Variants in CYP2C19 observed in about 807,000 individuals in gnomAD.
The protein encoded by CYP2C19 is cytochrome P450 2C19.
In CYP2C19, 59 loss-of-function variants were observed where a neutral mutation model predicts 40.9. The ratio of observed to expected loss-of-function variants is 1.44; its 90% CI spans 1.17 to 1.79. The LOEUF is 1.79. Ranked by LOEUF, CYP2C19 falls within the 40% of genes most tolerant of loss-of-function variation. CYP2C19 has a pLI of 0.00. For synonymous variants in CYP2C19, 253 were observed against 208.7 expected (o/e 1.21, Z -1.83); for missense variants, 754 against 596.9 (o/e 1.26, Z -2.74).
intron 5 of CYP2C19, among the ~76,000 whole-genome samples, chr10:94,818,779 G>T (rs969962159): frequency 6.7e-6 from 1 of 150,142 alleles, no homozygotes; most frequent in African/African-American, 2.5e-5. Flanking sequence ...ATCAGCTTAA[G>T]GAGATTTTGG....
chr10:94,808,336 A>G (rs1341832161), intron 5 of CYP2C19, among the ~76,000 whole-genome samples: 3 of 152,174 alleles, frequency 2.0e-5, no homozygotes, highest in Admixed American at 2.0e-4. Flanking sequence ...TTTGATGGGT[A>G]CATGAGATCT....
rs1004971142 is a variant in CYP2C19, at chr10:94,843,085, G to T, written c.1149+61G>T. 3.8e-6 allele frequency: 6 copies of T among 1,588,616 alleles called. No individual in the cohort carries two copies. In the African/African-American group the frequency reaches 6.7e-5, roughly 18 times the overall value. On this transcript the variant is annotated intron_variant, in intron 7 of 8. Coordinates refer to ENST00000371321, the MANE Select transcript of CYP2C19 (RefSeq NM_000769.4). ...CTTTTATTCCTCAAATTCACAGTAT[G>T]ATTCTTACCCTCTACCATCACTGGG...
At chr10:94,847,601 G>A (rs1476625730) in intron 7 of CYP2C19, among the ~76,000 whole-genome samples, 1 of 152,146 alleles carries the variant, frequency 6.6e-6, no homozygotes. Context: ...CCAGTAATGG[G>A]ATGGCTGGGT....
chr10:94,830,222 G>A (rs757203200), intron 6 of CYP2C19, among the ~76,000 whole-genome samples: 1 of 152,234 alleles, frequency 6.6e-6, no homozygotes, highest in African/African-American at 2.4e-5. Flanking sequence ...ACGTAATCAA[G>A]CATGGGCAAT....
chr10:94,829,944 A>G lies in CYP2C19; in HGVS notation c.961+9307A>G, dbSNP rs576422689. 2.4e-3 allele frequency among the ~76,000 whole-genome samples: 366 copies of G among 152,042 alleles called. 1 individual carries two copies. The highest frequency in any genetic ancestry group is 8.4e-3 in the African/African-American group (348 of 41,344). ...AGGTGTCAGTGTGCCCCTGCTGGGGATTGCCTCCCAGTTAGGCTGCTCAGG... is the reference window on the plus strand; with the variant it reads ...AGGTGTCAGTGTGCCCCTGCTGGGGGTTGCCTCCCAGTTAGGCTGCTCAGG... On this transcript the variant is annotated intron_variant, in intron 6 of 8. Transcript: ENST00000371321.
At chr10:94,822,086 C>T (rs1414284810) in intron 6 of CYP2C19, among the ~76,000 whole-genome samples, 1 of 151,958 alleles carries the variant, frequency 6.6e-6, no homozygotes, top group African/African-American at 2.4e-5. Flanking sequence ...ATAATGGCCT[C>T]CTGCTTCATC....
At chr10:94,821,746 C>T (rs1211622478) in intron 6 of CYP2C19, among the ~76,000 whole-genome samples, 1 of 152,028 alleles carries the variant, frequency 6.6e-6, no homozygotes, top group African/African-American at 2.4e-5. Context: ...AAGAGTTAGG[C>T]CTTTTTTTGA....
At chr10:94,797,453 T>G (rs970937207) in intron 5 of CYP2C19, among the ~76,000 whole-genome samples, 11 of 151,446 alleles carry the variant, frequency 7.3e-5, no homozygotes, top group East Asian at 3.9e-4. Context: ...CTGAAATTTT[T>G]TGTGTGTGTG....
intron 5 of CYP2C19, among the ~76,000 whole-genome samples, chr10:94,783,894 A>G (rs534225643): frequency 3.9e-5 from 6 of 152,176 alleles, no homozygotes; most frequent in East Asian, 1.9e-4. Flanking sequence ...GAGTTATGCC[A>G]TTTTAAAAAT....
chr10:94,780,258 G>A (rs112427983), intron 3 of CYP2C19, among the ~76,000 whole-genome samples: 8 of 152,078 alleles, frequency 5.3e-5, no homozygotes, highest in South Asian at 2.1e-4. Flanking sequence ...CAAATAGGCC[G>A]GGAATGTAAA....
At chr10:94,784,582 C>T (rs555797253) in intron 5 of CYP2C19, among the ~76,000 whole-genome samples, 134 of 152,042 alleles carry the variant, frequency 8.8e-4, no homozygotes, top group African/African-American at 3.2e-3. Context: ...TAAAGCCCTC[C>T]TAGTGAATGT....
chr10:94,854,891 A>T lies in CYP2C19; in HGVS notation c.*1977A>T, dbSNP rs906810016. Among the ~76,000 whole-genome samples, 2 of 152,232 alleles carry T rather than the reference A, an allele frequency of 1.3e-5. No individual in the cohort carries two copies. The highest frequency in any genetic ancestry group is 1.3e-4 in the Admixed American group (2 of 15,278). ...GTATTACATTAATGGAAAGATACAG[A>T]TGGAAATTACACATTATACATTTTA... is the stretch of plus-strand genomic sequence containing the variant. On this transcript the variant is annotated 3_prime_UTR_variant, in exon 9 of 9. Transcript: ENST00000371321.
intron 6 of CYP2C19, among the ~76,000 whole-genome samples, chr10:94,842,316 T>G (rs992903930): frequency 1.3e-5 from 2 of 151,620 alleles, no homozygotes; most frequent in African/African-American, 4.8e-5. Context: ...ACTCTTCCTC[T>G]TTTTTTTATT....
intron 5 of CYP2C19, among the ~76,000 whole-genome samples, chr10:94,793,777 G>A (rs573342721): frequency 2.0e-5 from 3 of 152,246 alleles, no homozygotes; most frequent in Admixed American, 2.0e-4. Flanking sequence ...CCTACTAGGA[G>A]GTGTCTCCCA....
intron 5 of CYP2C19, among the ~76,000 whole-genome samples, chr10:94,799,873 CT>C (rs1848740011): frequency 6.6e-6 from 1 of 152,126 alleles, no homozygotes; most frequent in Non-Finnish European, 1.5e-5. Context: ...TTAAGGTCTT[CT>C]CTACACTGTT....
chr10:94,851,079 G>C (rs1849646412), intron 8 of CYP2C19, among the ~76,000 whole-genome samples: 1 of 152,086 alleles, frequency 6.6e-6, no homozygotes, highest in Non-Finnish European at 1.5e-5. Flanking sequence ...TTCTTTCATT[G>C]CTATAAAGAA....
chr10:94,852,957 C>T lies in CYP2C19; in HGVS notation c.*43C>T. ...GGCTGCTCCTGTGCTGTCCCTGCAG[C>T]TCTCTTTCCTCTGGTCCAAATTTCA... is the stretch of plus-strand genomic sequence containing the variant. On this transcript the variant is annotated 3_prime_UTR_variant, in exon 9 of 9. Coordinates refer to ENST00000371321, the MANE Select transcript of CYP2C19 (RefSeq NM_000769.4). 6.3e-7 allele frequency: 1 copy of T among 1,594,166 alleles called. No individual in the cohort carries two copies. The highest frequency in any genetic ancestry group is 1.3e-5 in the African/African-American group (1 of 74,406).
At chr10:94,841,177 G>C (rs1443138270) in intron 6 of CYP2C19, among the ~76,000 whole-genome samples, 1 of 152,182 alleles carries the variant, frequency 6.6e-6, no homozygotes, top group Non-Finnish European at 1.5e-5. Flanking sequence ...GAGTGTTATA[G>C]CTCTACTAAA....
intron 6 of CYP2C19, among the ~76,000 whole-genome samples, chr10:94,826,734 G>C (rs1391107421): frequency 1.3e-5 from 2 of 152,090 alleles, no homozygotes; most frequent in Non-Finnish European, 2.9e-5. Context: ...CCTGTCTTGT[G>C]CCAGTTTTCA....
Sources: allele counts gnomAD v4.1 joint callset (sites outside exome capture counted in the v4.1 genomes callset), GRCh38; gene constraint gnomAD v4.1.1; transcripts MANE v1.5; gene names NCBI Gene and HGNC (gene_info 2026-07-23, HGNC 2026-07-21).